The following SPON1 variants were observed in gnomAD, a reference collection of about 807,000 sequenced individuals.
The protein encoded by SPON1 is spondin-1.
A neutral mutation model predicts 111.7 loss-of-function variants in SPON1; 52 were observed. That is an observed-to-expected ratio of 0.47 (90% CI 0.37 to 0.59). The LOEUF (loss-of-function observed/expected upper bound fraction) is 0.59. Ranked by LOEUF, SPON1 falls within the 20% of genes least tolerant of loss-of-function variation. SPON1 has a pLI of 0.00. For missense variants in SPON1, 957 were observed against 1,068.5 expected (o/e 0.90, Z 1.46); for synonymous variants, 410 against 395.8 (o/e 1.04, Z -0.43).
chr11:14,089,156 C>G (rs576682831), intron 5 of SPON1, among the ~76,000 whole-genome samples: 18 of 152,054 alleles, frequency 1.2e-4, no homozygotes, highest in Non-Finnish European at 1.8e-4. Flanking sequence ...ATTCTCCATC[C>G]AGTTTTGTGC....
At chr11:13,964,188 G>A (rs1482242597) in intron 1 of SPON1, among the ~76,000 whole-genome samples, 2 of 152,212 alleles carry the variant, frequency 1.3e-5, no homozygotes, top group Non-Finnish European at 2.9e-5. Context: ...TCCGGGTGGG[G>A]GACAGGTAAC....
In SPON1 at chr11:14,135,440, G is replaced by A. The variant is rs1554927965; in HGVS notation, c.697G>A (p.Ala233Thr). The change falls in exon 6 of 16, where the codon GCG (alanine) becomes ACG (threonine). Residue 233 changes from alanine to threonine, a missense_variant. This residue lies in a region of SPON1 where 122 missense variants were observed against 143.2 expected (regional missense o/e 0.85). Transcript: ENST00000576479. The surrounding 1 kb of genome is among the most constrained non-coding windows in gnomAD (Gnocchi z 4.4). ...DYPRRANHWS[A>T]IIGGSHSKNY... ...CCCAGGTCGGGCCAACCACTGGTCTGCGATCATCGGAGGATCCCACTCCAA... is the reference window on the plus strand; with the variant it reads ...CCCAGGTCGGGCCAACCACTGGTCTACGATCATCGGAGGATCCCACTCCAA... The A allele has an allele frequency of 6.2e-7, 1 of 1,612,950 alleles. No individual in the cohort carries two copies. Among genetic ancestry groups the A allele is most frequent in the African/African-American group, 1.3e-5 (1 of 74,932 alleles).
chr11:14,200,578 G>A (rs949349636), intron 6 of SPON1, among the ~76,000 whole-genome samples: 15 of 152,054 alleles, frequency 9.9e-5, no homozygotes, highest in African/African-American at 3.1e-4. Flanking sequence ...ATAGGAGAGA[G>A]GCAGAGGTGG....
At chr11:14,044,454 A>T (rs958797002) in intron 3 of SPON1, among the ~76,000 whole-genome samples, 1 of 152,104 alleles carries the variant, frequency 6.6e-6, no homozygotes, top group Non-Finnish European at 1.5e-5. Context: ...TTTACTAAAA[A>T]TACAAACATT....
chr11:14,184,627 ACCGC>A (rs1848267008), intron 6 of SPON1, among the ~76,000 whole-genome samples: 1 of 152,106 alleles, frequency 6.6e-6, no homozygotes, highest in Non-Finnish European at 1.5e-5. Context: ...GGCACAAACC[ACCGC>A]TGTTCCAACC....
intron 3 of SPON1, among the ~76,000 whole-genome samples, chr11:14,059,784 A>G (rs1423760343): frequency 3.9e-5 from 6 of 152,188 alleles, no homozygotes; most frequent in Non-Finnish European, 7.3e-5. Flanking sequence ...GTTTTTACAG[A>G]AAAGCCTGGT....
At chr11:14,180,896 A>G (rs11023131) in intron 6 of SPON1, among the ~76,000 whole-genome samples, 59,996 of 152,114 alleles carry the variant, frequency 0.39, 12,024 homozygotes, top group East Asian at 0.55. Flanking sequence ...TGTTTTGAAT[A>G]TATGAATGAA....
chr11:14,036,244 A>G (rs781799211), intron 2 of SPON1, among the ~76,000 whole-genome samples: 7 of 152,224 alleles, frequency 4.6e-5, no homozygotes, highest in East Asian at 1.9e-4. Flanking sequence ...TGTGGCTTGC[A>G]GTATAGATAA....
rs1383536185 is a variant in SPON1, at chr11:14,079,987, T to C, written c.642T>C (p.Asn214=). 3.1e-6 allele frequency: 5 copies of C among 1,613,964 alleles called. No individual in the cohort carries two copies. In the South Asian group the frequency reaches 3.3e-5, roughly 11 times the overall value. ...TAKYRLTFYG[N]WSEKTHPKDY... ...AGTACAGACTCACATTTTATGGGAATTGGTCCGAGAAGACACACCCAAAGG... is the reference window on the plus strand; with the variant it reads ...AGTACAGACTCACATTTTATGGGAACTGGTCCGAGAAGACACACCCAAAGG... The change falls in exon 5 of 16, where the codon AAT becomes AAC. Residue 214 remains asparagine, a synonymous_variant. Transcript: ENST00000576479.
chr11:14,093,666 A>T (rs1554923613), intron 5 of SPON1, among the ~76,000 whole-genome samples: 6 of 152,190 alleles, frequency 3.9e-5, no homozygotes, highest in Admixed American at 3.9e-4. Context: ...GGATCACCAG[A>T]TTTAGGAAAT....
intron 5 of SPON1, among the ~76,000 whole-genome samples, chr11:14,089,474 G>A (rs536887774): frequency 3.2e-4 from 49 of 152,262 alleles, no homozygotes; most frequent in African/African-American, 5.3e-4. Context: ...CTCCAGAATC[G>A]CAAAAATTGC....
intron 2 of SPON1, among the ~76,000 whole-genome samples, chr11:14,034,722 T>TCA (rs1848581798): frequency 6.6e-6 from 1 of 152,190 alleles, no homozygotes. Context: ...CAGACAACCC[T>TCA]GGGTCTGAAT....
At chr11:14,000,921 C>A (rs1162941164) in intron 2 of SPON1, among the ~76,000 whole-genome samples, 1 of 152,030 alleles carries the variant, frequency 6.6e-6, no homozygotes, top group Non-Finnish European at 1.5e-5. Context: ...CCTTGCCTGT[C>A]AAAATTGGAG....
At chr11:14,238,954 T>C (rs568890111) in intron 6 of SPON1, among the ~76,000 whole-genome samples, 1 of 152,340 alleles carries the variant, frequency 6.6e-6, no homozygotes, top group South Asian at 2.1e-4. Context: ...CTCTAAGTAT[T>C]CTTGAAAGTT....
intron 5 of SPON1, among the ~76,000 whole-genome samples, chr11:14,090,288 C>T (rs532460642): frequency 9.9e-5 from 15 of 151,592 alleles, no homozygotes; most frequent in Non-Finnish European, 1.8e-4. Context: ...GGGCCCTGGA[C>T]GTGTAGGCAC....
At chr11:14,181,498 G>A (rs1564925530) in intron 6 of SPON1, among the ~76,000 whole-genome samples, 1 of 152,208 alleles carries the variant, frequency 6.6e-6, no homozygotes, top group African/African-American at 2.4e-5. Flanking sequence ...AGAAAGCTTA[G>A]CAATGAATAA....
At chr11:14,146,848 A>T (rs1238018692) in intron 6 of SPON1, among the ~76,000 whole-genome samples, 3 of 152,102 alleles carry the variant, frequency 2.0e-5, no homozygotes, top group Admixed American at 6.5e-5. Flanking sequence ...TATCAGTTGG[A>T]AAAACACTAG....
At chr11:14,160,905 T>A (rs868945251) in intron 6 of SPON1, among the ~76,000 whole-genome samples, 1 of 33,758 alleles carries the variant, frequency 3.0e-5, no homozygotes, top group East Asian at 1.0e-3. Flanking sequence ...ATTTATATAT[T>A]TATATATATA....
intron 2 of SPON1, among the ~76,000 whole-genome samples, chr11:14,022,889 G>A (rs1297011861): frequency 6.6e-6 from 1 of 152,180 alleles, no homozygotes; most frequent in Non-Finnish European, 1.5e-5. Context: ...TGAGGAGTAG[G>A]GTTAAAAGCA....
Sources: gnomAD v4.1 joint callset for allele counts (sites outside exome capture counted in the v4.1 genomes callset) on GRCh38, gnomAD v4.1.1 for gene constraint, gnomAD v4.1.1 regional missense constraint, Gnocchi (gnomAD v3.1) non-coding constraint, MANE v1.5 for transcripts, NCBI Gene and HGNC (gene_info 2026-07-23, HGNC 2026-07-21) for gene names.